NCALD: variants seen among roughly 807,000 people sequenced by gnomAD.
NCALD encodes the protein neurocalcin delta.
A neutral mutation model predicts 18.6 loss-of-function variants in NCALD; 10 were observed. The ratio of observed to expected loss-of-function variants is 0.54; its 90% CI spans 0.33 to 0.91. The LOEUF (loss-of-function observed/expected upper bound fraction) is 0.91. NCALD is among the 40% of genes least tolerant of loss of function. NCALD has a pLI of 0.03. For missense variants in NCALD, 184 were observed against 247.6 expected, an observed-to-expected ratio of 0.74 and a Z score of 1.72; for synonymous variants, 88 against 87.4, an observed-to-expected ratio of 1.01 and a Z score of -0.04.
At chr8:101,866,298 C>T (rs1377181306) in intron 4 of NCALD, among the ~76,000 whole-genome samples, 3 of 152,198 alleles carry the variant, frequency 2.0e-5, no homozygotes, top group African/African-American at 4.8e-5. Context: ...CTGATCTCTA[C>T]ATTGGAGTCA....
intron 1 of NCALD, among the ~76,000 whole-genome samples, chr8:102,116,525 C>G (rs891368782): frequency 1.3e-5 from 2 of 152,286 alleles, no homozygotes; most frequent in East Asian, 1.9e-4. Context: ...CTCTGTCACC[C>G]AGGCTGGAGT....
chr8:101,897,811 T>C (rs1817262146), intron 3 of NCALD, among the ~76,000 whole-genome samples: 2 of 152,238 alleles, frequency 1.3e-5, no homozygotes, highest in Admixed American at 1.3e-4. Flanking sequence ...TTTTGCATCC[T>C]CACCAGCATT....
intron 3 of NCALD, among the ~76,000 whole-genome samples, chr8:101,894,849 T>A (rs866841447): frequency 7.0e-6 from 1 of 142,962 alleles, no homozygotes; most frequent in Admixed American, 6.9e-5. Flanking sequence ...AATAACAGGA[T>A]CTGAAATTGT....
intron 2 of NCALD, among the ~76,000 whole-genome samples, chr8:102,000,127 T>C (rs1163279741): frequency 2.0e-5 from 3 of 152,162 alleles, no homozygotes; most frequent in Non-Finnish European, 4.4e-5. Context: ...GGGAGTTCCC[T>C]TTCCTAGGGA....
chr8:101,705,192 C>G (rs1308202211), intron 2 of NCALD, among the ~76,000 whole-genome samples: 1 of 148,698 alleles, frequency 6.7e-6, no homozygotes, highest in African/African-American at 2.6e-5. Flanking sequence ...AGTGAGCACT[C>G]CAGCCTGGGC....
chr8:101,909,023 AAAG>A (rs1234628660), intron 3 of NCALD, among the ~76,000 whole-genome samples: 2 of 152,152 alleles, frequency 1.3e-5, no homozygotes, highest in Non-Finnish European at 2.9e-5. Flanking sequence ...CCAACATAAT[AAAG>A]AAGTCCCCTC....
chr8:101,823,471 C>A (rs1249786626), intron 4 of NCALD, among the ~76,000 whole-genome samples: 1 of 152,150 alleles, frequency 6.6e-6, no homozygotes, highest in African/African-American at 2.4e-5. Context: ...GTTTGGCCTA[C>A]CTTGTAATTT....
chr8:101,969,299 T>C (rs145211701), intron 2 of NCALD, among the ~76,000 whole-genome samples: 1 of 152,308 alleles, frequency 6.6e-6, no homozygotes, highest in East Asian at 1.9e-4. Flanking sequence ...CTCCTGCCTG[T>C]ATTAGCTGGT....
intron 4 of NCALD, among the ~76,000 whole-genome samples, chr8:101,881,395 C>T (rs1377126053): frequency 3.3e-5 from 5 of 152,186 alleles, no homozygotes; most frequent in South Asian, 4.2e-4. Context: ...TTGATTAAAC[C>T]GCCGATAATA....
chr8:101,845,265 A>G (rs1263231260), intron 4 of NCALD, among the ~76,000 whole-genome samples: 1 of 152,240 alleles, frequency 6.6e-6, no homozygotes, highest in Non-Finnish European at 1.5e-5. Flanking sequence ...TAAGTTCTTT[A>G]TCTCATTGCA....
intron 4 of NCALD, among the ~76,000 whole-genome samples, chr8:101,880,475 A>AG (rs1816446400): frequency 6.6e-6 from 1 of 152,186 alleles, no homozygotes; most frequent in Admixed American, 6.5e-5. Context: ...GGCGGACTGA[A>AG]GGGCTCCTGG....
At chr8:101,930,528 T>C (rs73696586) in intron 2 of NCALD, among the ~76,000 whole-genome samples, 13,994 of 151,844 alleles carry the variant, frequency 0.092, 1,452 homozygotes, top group African/African-American at 0.26. Context: ...GCAGCACTTT[T>C]CCCTCCTCCA....
intron 2 of NCALD, among the ~76,000 whole-genome samples, chr8:101,935,226 T>C (rs1413853802): frequency 6.6e-6 from 1 of 152,036 alleles, no homozygotes; most frequent in Non-Finnish European, 1.5e-5. Context: ...TATATAATGA[T>C]GAAGTAGGAG....
At position 101,910,307 on chromosome 8, in the gene NCALD, G is replaced by A. The variant is rs527501435; in HGVS notation, c.-107+5502C>T. ...AGTTTTTATTTGACTTGAGGAAACAGTGTTTTGATCCGACATGAGAGGAGG... is the reference window on the plus strand; with the variant it reads ...AGTTTTTATTTGACTTGAGGAAACAATGTTTTGATCCGACATGAGAGGAGG... On this transcript the variant is annotated intron_variant, in intron 3 of 6. Transcript: ENST00000311028. Among the ~76,000 whole-genome samples the A allele has an allele frequency of 2.9e-5, 4 of 140,198 alleles. No homozygotes were observed. In the South Asian group the frequency reaches 8.4e-4, roughly 29 times the overall value. The allele number at this position is 140,198 out of a possible 152,430, so 92.0% of individuals were successfully genotyped here. A position where few individuals can be genotyped will look rare whatever the true frequency, so the allele number is the denominator to read the frequency against.
At chr8:101,786,701 G>C (rs138363926) in intron 1 of NCALD, among the ~76,000 whole-genome samples, 6 of 152,262 alleles carry the variant, frequency 3.9e-5, no homozygotes, top group African/African-American at 1.4e-4. Context: ...AAAGCAATGT[G>C]CAGCCTTTGG....
intron 2 of NCALD, among the ~76,000 whole-genome samples, chr8:101,997,513 T>C (rs1431926735): frequency 6.6e-6 from 1 of 152,198 alleles, no homozygotes; most frequent in East Asian, 1.9e-4. Flanking sequence ...CACTGTATCA[T>C]GTTTAAAGAC....
At chr8:102,017,134 G>C (rs956005907) in intron 2 of NCALD, among the ~76,000 whole-genome samples, 1 of 152,046 alleles carries the variant, frequency 6.6e-6, no homozygotes, top group African/African-American at 2.4e-5. Context: ...GTATAAAATG[G>C]TCTAATATGC....
At chr8:101,840,666 C>A (rs1175639661) in intron 4 of NCALD, among the ~76,000 whole-genome samples, 1 of 152,134 alleles carries the variant, frequency 6.6e-6, no homozygotes, top group African/African-American at 2.4e-5. Context: ...AAGGAAATTG[C>A]AGGTCATGGC....
chr8:102,056,692 T>C (rs769375057), intron 1 of NCALD, among the ~76,000 whole-genome samples: 2 of 152,226 alleles, frequency 1.3e-5, no homozygotes, highest in Non-Finnish European at 2.9e-5. Context: ...CAAAGACTTG[T>C]TCCACTGTCC....
Sources: gnomAD v4.1 joint callset for allele counts (sites outside exome capture counted in the v4.1 genomes callset) on GRCh38, gnomAD v4.1.1 for gene constraint, MANE v1.5 for transcripts, NCBI Gene and HGNC (gene_info 2026-07-23, HGNC 2026-07-21) for gene names.